SEMA5A: variants seen among roughly 807,000 people sequenced by gnomAD.
SEMA5A encodes semaphorin-5A.
SEMA5A carries 55 observed loss-of-function variants against 135.5 expected under a neutral mutation model. That is an observed-to-expected ratio of 0.41 (90% CI 0.33 to 0.51). The LOEUF (loss-of-function observed/expected upper bound fraction) is 0.51, where lower values mean the gene tolerates loss of function less well. SEMA5A is among the 20% of genes least tolerant of loss of function. SEMA5A has a pLI of 0.37. For missense variants in SEMA5A, 1,290 were observed against 1,419.9 expected (o/e 0.91, Z 1.47); for synonymous variants, 580 against 546.5 (o/e 1.06, Z -0.85).
At chr5:9,388,623 C>T (rs189234350) in intron 2 of SEMA5A, among the ~76,000 whole-genome samples, 193 of 152,146 alleles carry the variant, frequency 1.3e-3, no homozygotes, top group African/African-American at 4.1e-3. Flanking sequence ...TTATAGGCCG[C>T]GCGTGGTGGC....
rs146979076 is a variant in SEMA5A, at chr5:9,093,331, G to T, written c.2073+14809C>A. On this transcript the variant is annotated intron_variant, in intron 16 of 22. Coordinates refer to ENST00000382496, the MANE Select transcript of SEMA5A (RefSeq NM_003966.3). Reference sequence around the variant, plus strand: ...TAAAACATGATGTAACATATTTTTTGAATTATTAACAGAGTTCTACTGTGT... The same window carrying T: ...TAAAACATGATGTAACATATTTTTTTAATTATTAACAGAGTTCTACTGTGT... Among the ~76,000 whole-genome samples, 699 of 152,118 alleles carry T rather than the reference G, an allele frequency of 4.6e-3. 8 individuals are homozygous for T. Among genetic ancestry groups the T allele is most frequent in the African/African-American group, 0.015 (631 of 41,516 alleles).
rs188364724 is a variant in SEMA5A at position 9,440,487 on chromosome 5, A to G, written c.-174-2635T>C. ...GCTTAGCTTTAACCTTGGTGCCAAC[A>G]ACCTCTGAAATCCTCTGAGTCATAA... On this transcript the variant is annotated intron_variant, in intron 1 of 22. Coordinates refer to ENST00000382496, the MANE Select transcript of SEMA5A (RefSeq NM_003966.3). Among the ~76,000 whole-genome samples the G allele has an allele frequency of 3.8e-3, 585 of 152,336 alleles. 3 individuals are homozygous for G. The highest frequency in any genetic ancestry group is 6.4e-3 in the Admixed American group (98 of 15,302).
chr5:9,121,808 T>C (rs549268427), intron 14 of SEMA5A, among the ~76,000 whole-genome samples: 2 of 152,206 alleles, frequency 1.3e-5, no homozygotes, highest in Admixed American at 1.3e-4. Flanking sequence ...GCACTTTACT[T>C]TCCTGGCCCA....
intron 8 of SEMA5A, among the ~76,000 whole-genome samples, chr5:9,223,170 A>G (rs994166080): frequency 6.6e-6 from 1 of 152,200 alleles, no homozygotes; most frequent in Non-Finnish European, 1.5e-5. Context: ...AATTCTAGTT[A>G]GTGCTTCAGT....
chr5:9,468,158 A>G (rs1380525564), intron 1 of SEMA5A, among the ~76,000 whole-genome samples: 2 of 152,210 alleles, frequency 1.3e-5, no homozygotes, highest in Non-Finnish European at 2.9e-5. Context: ...GGCCCGGGAA[A>G]GAGACTCTCA....
intron 1 of SEMA5A, among the ~76,000 whole-genome samples, chr5:9,511,782 T>A (rs1736219147): frequency 6.6e-6 from 1 of 152,200 alleles, no homozygotes; most frequent in Non-Finnish European, 1.5e-5. Context: ...TGTACATGTA[T>A]CAAAACAGCA....
chr5:9,162,562 G>GTATATA (rs1267036137), intron 11 of SEMA5A, among the ~76,000 whole-genome samples: 10,888 of 62,794 alleles, frequency 0.17, 639 homozygotes, highest in Non-Finnish European at 0.22. Context: ...GTGTGTGTGT[G>GTATATA]TGTATATATA....
At chr5:9,376,480 C>G (rs1032987430) in intron 3 of SEMA5A, among the ~76,000 whole-genome samples, 1 of 152,198 alleles carries the variant, frequency 6.6e-6, no homozygotes, top group Non-Finnish European at 1.5e-5. Context: ...CGTCCTACAG[C>G]CCAGGATGTG....
intron 16 of SEMA5A, among the ~76,000 whole-genome samples, chr5:9,099,944 T>C (rs253645): frequency 0.56 from 85,268 of 152,114 alleles, 26,096 homozygotes; most frequent in African/African-American, 0.83. Flanking sequence ...AGGGCCTTCC[T>C]GTCCTGTATC....
At chr5:9,391,727 T>C (rs140592864) in intron 2 of SEMA5A, among the ~76,000 whole-genome samples, 3,230 of 152,308 alleles carry the variant, frequency 0.021, 48 homozygotes, top group Non-Finnish European at 0.032. Context: ...TATTCTAATG[T>C]GCCTTGGTGT....
At chr5:9,378,714 T>C (rs1307565197) in intron 3 of SEMA5A, among the ~76,000 whole-genome samples, 1 of 152,170 alleles carries the variant, frequency 6.6e-6, no homozygotes, top group Non-Finnish European at 1.5e-5. Context: ...TACCAACCAA[T>C]GGCAGTGCAT....
chr5:9,237,798 G>A (rs763138391), intron 6 of SEMA5A, 30 bp downstream of exon 6: 4 of 1,607,026 alleles, frequency 2.5e-6, no homozygotes, highest in South Asian at 2.2e-5. Context: ...AAGACAGGGT[G>A]ATGGCTGCTC....
At chr5:9,468,318 T>C (rs1292527381) in intron 1 of SEMA5A, among the ~76,000 whole-genome samples, 3 of 152,220 alleles carry the variant, frequency 2.0e-5, no homozygotes, top group Admixed American at 2.0e-4. Context: ...GAACGTCTAC[T>C]GTAGGATTTT....
At chr5:9,362,431 C>G (rs1213293494) in intron 3 of SEMA5A, among the ~76,000 whole-genome samples, 35 of 152,128 alleles carry the variant, frequency 2.3e-4, no homozygotes, top group Non-Finnish European at 1.5e-5. Flanking sequence ...TACAAAAGAA[C>G]TATCTTCTGT....
Position 9,052,015 on chromosome 5 carries a change from C to T in SEMA5A, c.2703G>A (p.Glu901=), listed in dbSNP as rs144048830. ...NTQPCPESWS[E]WSDWSECEAS... ...CTTCACACTCAGACCAGTCCGACCA[C>T]TCCGACCAGCTCTCTGCAGAGACCA... The change falls in exon 20 of 23, where the codon GAG becomes GAA. Residue 901 remains glutamate, a synonymous_variant. Coordinates refer to ENST00000382496, the MANE Select transcript of SEMA5A (RefSeq NM_003966.3). The T allele has an allele frequency of 1.1e-3, 1,772 of 1,607,446 alleles. 13 individuals are homozygous for T. The African/African-American group carries it at 0.021, about 19-fold the overall frequency.
intron 4 of SEMA5A, 25 bp downstream of exon 4, chr5:9,337,688 G>A (rs779375903): frequency 3.9e-6 from 6 of 1,523,266 alleles, no homozygotes; most frequent in African/African-American, 1.4e-5. Context: ...AAATATCTGT[G>A]GTGGCAAAAT....
rs549903315 is a variant in SEMA5A, at chr5:9,327,299, T to C, written c.225-8882A>G. Among the ~76,000 whole-genome samples, 3 of 152,304 alleles carry C rather than the reference T, an allele frequency of 2.0e-5. No individual in the cohort carries two copies. In the South Asian group the frequency reaches 6.2e-4, roughly 32 times the overall value. ...CTACCCTCCTCAAAAATAGTAAATA[T>C]GTATTCTTCGGGCTATGCAAATTTC... is the stretch of plus-strand genomic sequence containing the variant. On this transcript the variant is annotated intron_variant, in intron 4 of 22. Coordinates refer to ENST00000382496, the MANE Select transcript of SEMA5A (RefSeq NM_003966.3).
chr5:9,484,586 T>C (rs1285679751), intron 1 of SEMA5A, among the ~76,000 whole-genome samples: 3 of 152,212 alleles, frequency 2.0e-5, no homozygotes, highest in Admixed American at 6.5e-5. Context: ...GGTAGCACGA[T>C]TGAAGTGTTG....
intron 5 of SEMA5A, among the ~76,000 whole-genome samples, chr5:9,277,445 C>T (rs1750319464): frequency 6.6e-6 from 1 of 152,148 alleles, no homozygotes; most frequent in African/African-American, 2.4e-5. Context: ...TACCATTTGA[C>T]CCAGCAATCT....
Sources: allele counts gnomAD v4.1 joint callset (sites outside exome capture counted in the v4.1 genomes callset), GRCh38; gene constraint gnomAD v4.1.1; transcripts MANE v1.5; gene names NCBI Gene and HGNC (gene_info 2026-07-23, HGNC 2026-07-21).